PCDHA5: variants seen among roughly 807,000 people sequenced by gnomAD.
PCDHA5 encodes the protein protocadherin alpha-5.
A neutral mutation model predicts 61.6 loss-of-function variants in PCDHA5; 43 were observed. That is an observed-to-expected ratio of 0.70 (90% CI 0.55 to 0.90). The LOEUF is 0.90. Ranked by LOEUF, PCDHA5 falls within the 40% of genes least tolerant of loss-of-function variation. The probability of loss-of-function intolerance (pLI) is 0.00; values close to 1 mark genes in which losing one functional copy is unlikely to be tolerated. For missense variants in PCDHA5, 1,298 were observed against 1,222.7 expected, an observed-to-expected ratio of 1.06 and a Z score of -0.92; for synonymous variants, 627 against 543.9, an observed-to-expected ratio of 1.15 and a Z score of -2.13.
rs189370080 is a variant in PCDHA5 at position 140,877,740 on chromosome 5, G to C, written c.2352+53613G>C. 2.8e-3 allele frequency: 4,494 copies of C among 1,614,198 alleles called. 21 individuals carry two copies. Among genetic ancestry groups the C allele is most frequent in the African/African-American group, 0.01 (782 of 75,064 alleles). On this transcript the variant is annotated intron_variant, in intron 1 of 3. Transcript: ENST00000529859. ...GGTCTTACTCGCAGCAGAGGAGGCA[G>C]AGGGTGTGCTCTGCAGAGAGCCCGC...
chr5:140,930,338 A>T (rs2086745230), intron 1 of PCDHA5: 1 of 152,214 alleles, frequency 6.6e-6, no homozygotes, highest in African/African-American at 2.4e-5. Flanking sequence ...AATGAAAGTT[A>T]AGTGATTCAA....
intron 3 of PCDHA5, among the ~76,000 whole-genome samples, chr5:140,997,525 A>G (rs1293979369): frequency 6.6e-6 from 1 of 152,242 alleles, no homozygotes; most frequent in African/African-American, 2.4e-5. Flanking sequence ...AAAAAGTACA[A>G]TAAAAATACA....
intron 1 of PCDHA5, chr5:140,929,850 G>T: frequency 6.5e-6 from 1 of 154,348 alleles, no homozygotes. Flanking sequence ...GAGGAGGAAG[G>T]AGTCAGAGAA....
rs782489417 is a variant in PCDHA5, at chr5:140,927,802, A to C, written c.2353-51147A>C. 6.2e-6 allele frequency: 10 copies of C among 1,614,148 alleles called. No homozygotes were observed. The East Asian group carries it at 2.0e-4, about 32-fold the overall frequency. On this transcript the variant is annotated intron_variant, in intron 1 of 3. Transcript: ENST00000529859. ...AGCTGCTTCACTAGGTCCGCCTGAA[A>C]CGCTCTTGGAGGCATACATTGAGGC...
chr5:140,976,244 A>G (rs996854178), intron 1 of PCDHA5, among the ~76,000 whole-genome samples: 1 of 152,160 alleles, frequency 6.6e-6, no homozygotes, highest in Non-Finnish European at 1.5e-5. Context: ...CATTTCATGT[A>G]AATTTATTTA....
chr5:140,858,341 G>A, intron 1 of PCDHA5: 1 of 1,595,396 alleles, frequency 6.3e-7, no homozygotes, highest in Non-Finnish European at 8.6e-7. Context: ...CCTGCCCAAG[G>A]CGGACCTCAT....
At chr5:140,897,032 T>C (rs2065847458) in intron 1 of PCDHA5, among the ~76,000 whole-genome samples, 2 of 152,146 alleles carry the variant, frequency 1.3e-5, no homozygotes, top group Non-Finnish European at 2.9e-5. Flanking sequence ...ATTTAGACCA[T>C]AGTCACCCTA....
At chr5:140,983,392 C>T (rs1190599444) in intron 3 of PCDHA5, among the ~76,000 whole-genome samples, 2 of 152,150 alleles carry the variant, frequency 1.3e-5, no homozygotes, top group African/African-American at 2.4e-5. Context: ...TGGCAGTTTT[C>T]AGAAAGGGAA....
chr5:140,913,448 G>A (rs185287281), intron 1 of PCDHA5, among the ~76,000 whole-genome samples: 8 of 152,012 alleles, frequency 5.3e-5, no homozygotes, highest in African/African-American at 1.2e-4. Flanking sequence ...TTTCAGCTCC[G>A]ATTTTATTTA....
intron 1 of PCDHA5, among the ~76,000 whole-genome samples, chr5:140,933,958 G>A (rs2089541288): frequency 1.3e-5 from 2 of 151,998 alleles, no homozygotes; most frequent in South Asian, 4.1e-4. Context: ...AGGATCTGTA[G>A]TGATGTTTCC....
chr5:140,887,803 C>T (rs2061589449), intron 1 of PCDHA5, among the ~76,000 whole-genome samples: 2 of 152,050 alleles, frequency 1.3e-5, no homozygotes, highest in Admixed American at 1.3e-4. Flanking sequence ...TTATTTTTGT[C>T]CATTTCTTTC....
chr5:140,951,779 CA>C (rs1402940575), intron 1 of PCDHA5, among the ~76,000 whole-genome samples: 1 of 152,142 alleles, frequency 6.6e-6, no homozygotes, highest in East Asian at 1.9e-4. Flanking sequence ...TCTTACATTG[CA>C]AAATACAATT....
chr5:140,882,369 C>G (rs1554173809), intron 1 of PCDHA5: 4 of 1,614,104 alleles, frequency 2.5e-6, no homozygotes, highest in African/African-American at 1.3e-5. Flanking sequence ...CTCCACTACT[C>G]CGTCCCCGAG....
At chr5:140,946,314 T>C (rs1307176539) in intron 1 of PCDHA5, among the ~76,000 whole-genome samples, 2 of 151,808 alleles carry the variant, frequency 1.3e-5, no homozygotes, top group African/African-American at 4.8e-5. Flanking sequence ...ATGGCTATTA[T>C]TGAAAGAGGA....
At position 140,856,610 on chromosome 5, in the gene PCDHA5, G is replaced by A. The variant is rs782134319; in HGVS notation, c.2352+32483G>A. Reference sequence around the variant, plus strand: ...TGATATTATAAACAAAAAAGACAAAGACAAATTCCCAGTGCTTGTTCTGCG... The same window carrying A: ...TGATATTATAAACAAAAAAGACAAAAACAAATTCCCAGTGCTTGTTCTGCG... On this transcript the variant is annotated intron_variant, in intron 1 of 3. Transcript: ENST00000529859. 5 of 1,597,928 alleles carry A rather than the reference G, an allele frequency of 3.1e-6. No homozygotes were observed. The Admixed American group carries it at 5.1e-5, about 16-fold the overall frequency.
chr5:140,893,530 A>G (rs2064036357), intron 1 of PCDHA5, among the ~76,000 whole-genome samples: 1 of 152,056 alleles, frequency 6.6e-6, no homozygotes, highest in South Asian at 2.1e-4. Context: ...TCCTTTAAGT[A>G]TTTCTTGTAG....
chr5:141,010,923 A>T lies in PCDHA5; in HGVS notation c.*986A>T, dbSNP rs184389417. The T allele has an allele frequency of 4.0e-3, 619 of 153,912 alleles. 3 individuals are homozygous for T. Among genetic ancestry groups the T allele is most frequent in the Admixed American group, 6.2e-3 (95 of 15,302 alleles). The allele number at this position is 153,912 out of a possible 1,614,324, so 9.5% of individuals were successfully genotyped here. A position where few individuals can be genotyped will look rare whatever the true frequency, so the allele number is the denominator to read the frequency against. ...TCCCCTAAACTCTCCTCAAAAGAGA[A>T]TTCAGTCTACAGCCATTTAAATGAT... On this transcript the variant is annotated 3_prime_UTR_variant, in exon 4 of 4. Coordinates refer to ENST00000529859, the MANE Select transcript of PCDHA5 (RefSeq NM_018908.3).
intron 1 of PCDHA5, chr5:140,836,978 G>A (rs1774847497): frequency 2.7e-6 from 1 of 370,178 alleles, no homozygotes; most frequent in Admixed American, 4.2e-5. Context: ...TCCATTTTTG[G>A]AGGAGGACTT....
intron 1 of PCDHA5, chr5:140,852,662 C>T: frequency 1.0e-6 from 1 of 963,512 alleles, no homozygotes; most frequent in Non-Finnish European, 1.3e-6. Context: ...ATCTGTCTAT[C>T]AGCACAACTC....
Sources: gnomAD v4.1 joint callset for allele counts (sites outside exome capture counted in the v4.1 genomes callset) on GRCh38, gnomAD v4.1.1 for gene constraint, MANE v1.5 for transcripts, NCBI Gene and HGNC (gene_info 2026-07-23, HGNC 2026-07-21) for gene names.